The following ZFP91 variants were observed in gnomAD, a reference collection of about 807,000 sequenced individuals.
ZFP91 encodes ZFP91 zinc finger protein, atypical E3 ubiquitin ligase.
ZFP91 carries 7 observed loss-of-function variants against 63.5 expected under a neutral mutation model. That is an observed-to-expected ratio of 0.11 (90% CI 0.06 to 0.21). The LOEUF is 0.21. Ranked by LOEUF, ZFP91 falls within the 10% of genes least tolerant of loss-of-function variation. The pLI, the probability that ZFP91 is intolerant of heterozygous loss-of-function variation, is 1.00. For missense variants in ZFP91, 628 were observed against 736.6 expected (o/e 0.85, Z 1.71); for synonymous variants, 330 against 272.1 (o/e 1.21, Z -2.10).
At chr11:58,614,118 G>A (rs185121817) in intron 8 of ZFP91, 111 bp from the exon 9 acceptor site, 44 of 593,860 alleles carry the variant, frequency 7.4e-5, no homozygotes, top group Admixed American at 6.4e-4. Context: ...CTATCCATGT[G>A]TGAAATCTAA....
intron 2 of ZFP91, among the ~76,000 whole-genome samples, chr11:58,604,311 C>T (rs549231217): frequency 6.6e-6 from 1 of 152,126 alleles, no homozygotes; most frequent in African/African-American, 2.4e-5. Flanking sequence ...GAGGAAACAC[C>T]GTGTGATGAT....
At chr11:58,590,378 A>G (rs934827826) in intron 2 of ZFP91, among the ~76,000 whole-genome samples, 3 of 152,178 alleles carry the variant, frequency 2.0e-5, no homozygotes, top group South Asian at 2.1e-4. Context: ...ACAGCAATTT[A>G]TTATTTACTG....
chr11:58,593,514 C>T (rs983211250), intron 2 of ZFP91, among the ~76,000 whole-genome samples: 1 of 152,126 alleles, frequency 6.6e-6, no homozygotes, highest in African/African-American at 2.4e-5. Flanking sequence ...TGCAAAACTG[C>T]TGCTGGAAGA....
At chr11:58,611,467 T>G in intron 5 of ZFP91, 137 bp from the exon 6 acceptor site, 1 of 1,140,998 alleles carries the variant, frequency 8.8e-7, no homozygotes, top group South Asian at 1.7e-5. Context: ...TGAGGATGAT[T>G]GGTAGGAAAT....
At chr11:58,599,923 C>A (rs1326261350) in intron 2 of ZFP91, among the ~76,000 whole-genome samples, 1 of 152,026 alleles carries the variant, frequency 6.6e-6, no homozygotes, top group East Asian at 1.9e-4. Context: ...TTTGTCTTAG[C>A]ACCATTTCTT....
rs1855486555 is a variant in ZFP91, at chr11:58,601,262, T to C, written c.371-8568T>C. Among the ~76,000 whole-genome samples, 2 of 152,236 alleles carry C rather than the reference T, an allele frequency of 1.3e-5. 1 individual carries two copies. The highest frequency in any genetic ancestry group is 2.9e-5 in the Non-Finnish European group (2 of 68,036). On this transcript the variant is annotated intron_variant, in intron 2 of 10. Coordinates refer to ENST00000316059, the MANE Select transcript of ZFP91 (RefSeq NM_053023.5). ...GCCTTTTTATTGGGAGCTTTTTGTT[T>C]ACTGACTCAGTTGTCTACTTGTTAA...
chr11:58,591,892 G>C (rs759430476), intron 2 of ZFP91, among the ~76,000 whole-genome samples: 1 of 152,060 alleles, frequency 6.6e-6, no homozygotes, highest in Non-Finnish European at 1.5e-5. Flanking sequence ...TCAGGGACTC[G>C]GTGTTGGTCT....
At chr11:58,591,816 A>G (rs1333533423) in intron 2 of ZFP91, among the ~76,000 whole-genome samples, 1 of 152,154 alleles carries the variant, frequency 6.6e-6, no homozygotes, top group East Asian at 1.9e-4. Context: ...CCATGATGGA[A>G]GTGGTCCAAT....
rs1394258525 is a variant in ZFP91, at chr11:58,611,668, A to G, written c.787A>G (p.Lys263Glu). ...AGAAGAGAAGGAGAAGAAGGAAATT[A>G]AAGTGGAAGTAGAGGTGGAGGTGAA... ...VKEEKEKKEI[K>E]VEVEVEVKEE... Residue 263 changes from lysine (K) to glutamate (E), a missense_variant, in exon 6 of 11, where the codon AAA (lysine) becomes GAA (glutamate). Physicochemically the swap from Lys to Glu is moderately conservative, Grantham distance 56. Coordinates refer to ENST00000316059, the MANE Select transcript of ZFP91 (RefSeq NM_053023.5). 1 of 1,613,028 alleles carries G rather than the reference A, an allele frequency of 6.2e-7. No homozygotes were observed. Among genetic ancestry groups the G allele is most frequent in the East Asian group, 2.2e-5 (1 of 44,780 alleles).
rs766018663 is a variant in ZFP91 at position 58,612,857 on chromosome 11, T to C, written c.987+17T>C. The stretch of plus-strand genomic sequence containing the variant: ...TATTTGCAGGTCAGTGAAGTTGTTA[T>C]ATAAGAGCCTTTCAGGTTGTGTTCC... On this transcript the variant is annotated intron_variant, in intron 8 of 10. Coordinates refer to ENST00000316059, the MANE Select transcript of ZFP91 (RefSeq NM_053023.5). 2.3e-5 allele frequency: 37 copies of C among 1,602,356 alleles called. No individual in the cohort carries two copies. The East Asian group carries it at 2.9e-4, about 13-fold the overall frequency.
In ZFP91 at chr11:58,617,978, A is replaced by G; in HGVS notation, c.*272A>G. The G allele has an allele frequency of 3.1e-6, 1 of 322,858 alleles. No homozygotes were observed. The highest frequency in any genetic ancestry group is 5.5e-6 in the Non-Finnish European group (1 of 183,014). 20.0% of individuals were successfully genotyped at this position (322,858 alleles called of 1,614,324 possible). ...AGCTCTTAAAGTGAGGGTTATTCTC[A>G]TACTCGGTTCCAGCCATCAGCAGAC... On this transcript the variant is annotated 3_prime_UTR_variant, in exon 11 of 11. Transcript: ENST00000316059. The surrounding 1 kb of genome is among the most constrained non-coding windows in gnomAD (Gnocchi z 4.2).
At chr11:58,581,951 C>G (rs1020170666) in intron 1 of ZFP91, among the ~76,000 whole-genome samples, 1 of 152,194 alleles carries the variant, frequency 6.6e-6, no homozygotes, top group South Asian at 2.1e-4. Flanking sequence ...CTTCTTTCAG[C>G]CCCAAAATTA....
At chr11:58,608,087 A>G (rs1485051728) in intron 2 of ZFP91, among the ~76,000 whole-genome samples, 1 of 151,938 alleles carries the variant, frequency 6.6e-6, no homozygotes, top group African/African-American at 2.4e-5. Context: ...ATACACACAC[A>G]CACACATACT....
chr11:58,617,388 T>C lies in ZFP91; in HGVS notation c.1395T>C (p.Asn465=). 2 of 1,613,758 alleles carry C rather than the reference T, an allele frequency of 1.2e-6. No individual in the cohort carries two copies. Among genetic ancestry groups the C allele is most frequent in the Non-Finnish European group, 1.7e-6 (2 of 1,179,856 alleles). Reference sequence around the variant, plus strand: ...TGATTGCAGAAGCTCTGGCTGCCAATGCAGGCGCCCTCATCACCAGCACAG... The same window carrying C: ...TGATTGCAGAAGCTCTGGCTGCCAACGCAGGCGCCCTCATCACCAGCACAG... The part of the protein sequence containing the change: ...EVLIAEALAA[N]AGALITSTDI... The change falls in exon 11 of 11, where the codon AAT becomes AAC. Residue 465 remains asparagine, a synonymous_variant. Coordinates refer to ENST00000316059, the MANE Select transcript of ZFP91 (RefSeq NM_053023.5). The surrounding 1 kb of genome is among the most constrained non-coding windows in gnomAD (Gnocchi z 4.2).
In ZFP91 at chr11:58,614,349, T is replaced by C; in HGVS notation, c.1102+6T>C. On this transcript the variant is annotated splice_donor_region_variant and intron_variant, in intron 9 of 10. Coordinates refer to ENST00000316059, the MANE Select transcript of ZFP91 (RefSeq NM_053023.5). ...ACATGCCAAACATCATACAGGTACT[T>C]TTAAAATGTGTTTATCAAGTAGGTA... 1 of 1,596,612 alleles carries C rather than the reference T, an allele frequency of 6.3e-7. No homozygotes were observed.
At chr11:58,599,012 A>T (rs2134405535) in intron 2 of ZFP91, among the ~76,000 whole-genome samples, 1 of 152,054 alleles carries the variant, frequency 6.6e-6, no homozygotes, top group Admixed American at 6.5e-5. Flanking sequence ...GTCTCTATGG[A>T]TTTACCTATT....
At chr11:58,615,224 A>G (rs1027499545) in intron 9 of ZFP91, among the ~76,000 whole-genome samples, 4 of 152,180 alleles carry the variant, frequency 2.6e-5, no homozygotes, top group African/African-American at 9.7e-5. Flanking sequence ...ACCAGGATTG[A>G]ACTTGAATCT....
intron 2 of ZFP91, among the ~76,000 whole-genome samples, chr11:58,599,265 A>G (rs998328560): frequency 2.6e-5 from 4 of 152,036 alleles, no homozygotes; most frequent in Non-Finnish European, 5.9e-5. Flanking sequence ...TTCTATGAAT[A>G]TTCATATGTA....
intron 2 of ZFP91, among the ~76,000 whole-genome samples, chr11:58,585,993 A>ATT (rs796591750): frequency 1.4e-5 from 2 of 143,486 alleles, no homozygotes; most frequent in African/African-American, 2.5e-5. Flanking sequence ...CATACCTGGC[A>ATT]TTTTTTTTTT....
Sources: allele counts gnomAD v4.1 joint callset (sites outside exome capture counted in the v4.1 genomes callset), GRCh38; gene constraint gnomAD v4.1.1; non-coding constraint Gnocchi (gnomAD v3.1); transcripts MANE v1.5; gene names NCBI Gene and HGNC (gene_info 2026-07-23, HGNC 2026-07-21).